ACOXL: variants seen among roughly 807,000 people sequenced by gnomAD.
ACOXL encodes acyl-CoA oxidase like.
In ACOXL, 70 loss-of-function variants were observed where a neutral mutation model predicts 71.9. The ratio of observed to expected loss-of-function variants is 0.97; its 90% CI spans 0.80 to 1.19. The LOEUF is 1.19. Ranked by LOEUF, ACOXL falls within the 50% of genes most tolerant of loss-of-function variation. The pLI is 0.00. For missense variants in ACOXL, 703 were observed against 736.3 expected (o/e 0.95, Z 0.52); for synonymous variants, 253 against 281.6 (o/e 0.90, Z 1.02).
At chr2:110,974,559 C>G (rs1398374985) in intron 12 of ACOXL, among the ~76,000 whole-genome samples, 1 of 152,182 alleles carries the variant, frequency 6.6e-6, no homozygotes, top group East Asian at 1.9e-4. Context: ...CCTTCCTAAT[C>G]CATTATGGCA....
At position 111,117,893 on chromosome 2, in the gene ACOXL, G is replaced by A. The variant is rs1354934103; in HGVS notation, c.*77G>A. 4 of 1,449,942 alleles carry A rather than the reference G, an allele frequency of 2.8e-6. No individual in the cohort carries two copies. The highest frequency in any genetic ancestry group is 5.0e-5 in the East Asian group (2 of 39,862). The allele number at this position is 1,449,942 out of a possible 1,614,324, so 89.8% of individuals were successfully genotyped here. A position where few individuals can be genotyped will look rare whatever the true frequency, so the allele number is the denominator to read the frequency against. ...TCCACCGACGCCCAGAGCTGTGGCCGAGGCCGGGGGCTGGCACCCGCTGGG... is the reference window on the plus strand; with the variant it reads ...TCCACCGACGCCCAGAGCTGTGGCCAAGGCCGGGGGCTGGCACCCGCTGGG... On this transcript the variant is annotated 3_prime_UTR_variant, in exon 18 of 18. Coordinates refer to ENST00000439055, the MANE Select transcript of ACOXL (RefSeq NM_001142807.4).
intron 2 of ACOXL, among the ~76,000 whole-genome samples, chr2:110,776,652 G>T (rs1682689368): frequency 6.6e-6 from 1 of 152,054 alleles, no homozygotes; most frequent in Non-Finnish European, 1.5e-5. Context: ...GTCACCATGT[G>T]GTGTGAGCAG....
intron 3 of ACOXL, among the ~76,000 whole-genome samples, chr2:110,789,742 C>A (rs1289786172): frequency 6.6e-6 from 1 of 152,222 alleles, no homozygotes; most frequent in African/African-American, 2.4e-5. Flanking sequence ...AAATTCAGTC[C>A]ATTTCTGGAG....
At chr2:110,882,531 A>C (rs1037886632) in intron 10 of ACOXL, among the ~76,000 whole-genome samples, 39 of 152,044 alleles carry the variant, frequency 2.6e-4, no homozygotes, top group Non-Finnish European at 4.6e-4. Context: ...TTGGTTTTGT[A>C]TCTAAGAAAT....
chr2:110,940,951 T>C (rs2060846374), intron 12 of ACOXL, among the ~76,000 whole-genome samples: 1 of 152,266 alleles, frequency 6.6e-6, no homozygotes, highest in Non-Finnish European at 1.5e-5. Flanking sequence ...CCTTTGTTTC[T>C]GAGTTCTAAT....
chr2:110,869,831 G>A (rs1327524760), intron 10 of ACOXL, among the ~76,000 whole-genome samples: 1 of 152,220 alleles, frequency 6.6e-6, no homozygotes, highest in Non-Finnish European at 1.5e-5. Flanking sequence ...CAGAGGCAAG[G>A]CAGCTGGTGC....
intron 9 of ACOXL, among the ~76,000 whole-genome samples, chr2:110,820,036 C>T (rs1688411426): frequency 1.3e-5 from 2 of 152,142 alleles, no homozygotes; most frequent in South Asian, 2.1e-4. Flanking sequence ...TCCCTTGCAC[C>T]GTGCCTGACA....
chr2:110,872,277 G>A lies in ACOXL; in HGVS notation c.788+30872G>A, dbSNP rs573134722. 2.6e-5 allele frequency among the ~76,000 whole-genome samples: 4 copies of A among 152,326 alleles called. No homozygotes were observed. The East Asian group carries it at 7.7e-4, about 29-fold the overall frequency. The stretch of plus-strand genomic sequence containing the variant: ...TTTGTTCTGCCTTCTTTTGGTTAAA[G>A]CAAGCCTGAGGCCCGTCAGGATTCA... On this transcript the variant is annotated intron_variant, in intron 10 of 17. Transcript: ENST00000439055.
intron 5 of ACOXL, among the ~76,000 whole-genome samples, chr2:110,798,376 C>T (rs1329115216): frequency 2.0e-5 from 3 of 152,018 alleles, no homozygotes; most frequent in Non-Finnish European, 4.4e-5. Flanking sequence ...CCTGCCTCAG[C>T]CTCCCGAGTA....
At chr2:110,963,127 C>T (rs931704365) in intron 12 of ACOXL, among the ~76,000 whole-genome samples, 3 of 151,960 alleles carry the variant, frequency 2.0e-5, no homozygotes, top group African/African-American at 7.3e-5. Flanking sequence ...GAATTGATGG[C>T]GCAGAGTATT....
chr2:110,775,741 C>A (rs1472407575), intron 2 of ACOXL, among the ~76,000 whole-genome samples: 1 of 151,984 alleles, frequency 6.6e-6, no homozygotes, highest in East Asian at 1.9e-4. Context: ...AACAAAAAAC[C>A]AGAAAAGAAC....
At chr2:111,070,095 A>G (rs1359527562) in intron 16 of ACOXL, among the ~76,000 whole-genome samples, 1 of 152,096 alleles carries the variant, frequency 6.6e-6, no homozygotes, top group Non-Finnish European at 1.5e-5. Flanking sequence ...CAGTAAAAAG[A>G]TGTCTTTGAG....
At chr2:110,782,671 A>G (rs1683478587) in intron 2 of ACOXL, among the ~76,000 whole-genome samples, 1 of 152,252 alleles carries the variant, frequency 6.6e-6, no homozygotes, top group African/African-American at 2.4e-5. Context: ...CTTGCAATTA[A>G]TTTCAAAGTG....
At chr2:110,886,952 C>T in intron 10 of ACOXL, 1 of 1,357,700 alleles carries the variant, frequency 7.4e-7, no homozygotes, top group Non-Finnish European at 1.0e-6. Context: ...TCCCTATAGG[C>T]TTCTCACTGC....
At chr2:111,030,287 G>A (rs2065204874) in intron 14 of ACOXL, among the ~76,000 whole-genome samples, 1 of 152,188 alleles carries the variant, frequency 6.6e-6, no homozygotes. Context: ...CTGCCAAGAT[G>A]TTCTGCTGCA....
chr2:111,077,857 T>G (rs1037758942), intron 16 of ACOXL, among the ~76,000 whole-genome samples: 1 of 152,196 alleles, frequency 6.6e-6, no homozygotes, highest in Non-Finnish European at 1.5e-5. Context: ...GTTTTTAGAT[T>G]CCAGATGTTT....
chr2:110,827,707 G>C lies in ACOXL; in HGVS notation c.754-13664G>C, dbSNP rs75609246. On this transcript the variant is annotated intron_variant, in intron 9 of 17. Coordinates refer to ENST00000439055, the MANE Select transcript of ACOXL (RefSeq NM_001142807.4). Reference sequence around the variant, plus strand: ...TAGTGGAGAGGAGCAGAGTGGCTTAGCTGGAGACATCAGCTGACCCTGGAA... The same window carrying C: ...TAGTGGAGAGGAGCAGAGTGGCTTACCTGGAGACATCAGCTGACCCTGGAA... 2.0e-3 allele frequency among the ~76,000 whole-genome samples: 310 copies of C among 152,216 alleles called. 2 individuals carry two copies. Among genetic ancestry groups the C allele is most frequent in the African/African-American group, 7.3e-3 (302 of 41,544 alleles).
chr2:110,811,391 C>G (rs1687297005), intron 9 of ACOXL, among the ~76,000 whole-genome samples: 1 of 152,136 alleles, frequency 6.6e-6, no homozygotes, highest in African/African-American at 2.4e-5. Context: ...ACAGTGGGAC[C>G]TCTGCCTCCG....
At chr2:110,936,268 GTTATTA>G (rs897132404) in intron 12 of ACOXL, among the ~76,000 whole-genome samples, 1 of 151,870 alleles carries the variant, frequency 6.6e-6, no homozygotes, top group African/African-American at 2.4e-5. Context: ...TACCCGCACT[GTTATTA>G]TTATTATTAT....
Sources: allele counts gnomAD v4.1 joint callset (sites outside exome capture counted in the v4.1 genomes callset), GRCh38; gene constraint gnomAD v4.1.1; transcripts MANE v1.5; gene names NCBI Gene and HGNC (gene_info 2026-07-23, HGNC 2026-07-21).